The following BAALC variants were observed in gnomAD, a reference collection of about 807,000 sequenced individuals.
The protein encoded by BAALC is BAALC binder of MAP3K1 and KLF4.
BAALC carries 9 observed loss-of-function variants against 15.5 expected under a neutral mutation model. The observed-to-expected ratio is 0.58, with a 90% confidence interval of 0.35 to 1.02. The LOEUF is 1.02. Ranked by LOEUF, BAALC falls within the 50% of genes least tolerant of loss-of-function variation. The pLI, the probability that BAALC is intolerant of heterozygous loss-of-function variation, is 0.02. For missense variants in BAALC, 201 were observed against 192.4 expected (o/e 1.04, Z -0.27); for synonymous variants, 80 against 74.6 (o/e 1.07, Z -0.37).
intron 1 of BAALC, among the ~76,000 whole-genome samples, chr8:103,187,470 C>A (rs1811866350): frequency 6.6e-6 from 1 of 152,204 alleles, no homozygotes. Context: ...AGAAACCCTG[C>A]TCCAGAGCCA....
At chr8:103,162,915 C>G (rs1031413382) in intron 1 of BAALC, among the ~76,000 whole-genome samples, 7 of 152,148 alleles carry the variant, frequency 4.6e-5, no homozygotes, top group African/African-American at 1.7e-4. Flanking sequence ...GCATCAGTCC[C>G]TGTTCCCCCA....
At chr8:103,143,232 C>A (rs764158083) in intron 1 of BAALC, among the ~76,000 whole-genome samples, 3 of 152,014 alleles carry the variant, frequency 2.0e-5, no homozygotes, top group African/African-American at 2.4e-5. Flanking sequence ...TTTCAGCCAC[C>A]CTGGGAGACT....
chr8:103,146,580 C>G (rs1193016659), intron 1 of BAALC, among the ~76,000 whole-genome samples: 9 of 152,142 alleles, frequency 5.9e-5, no homozygotes, highest in South Asian at 2.1e-4. Context: ...ACATCAGGAC[C>G]CTGAGTAACT....
intron 2 of BAALC, among the ~76,000 whole-genome samples, chr8:103,217,279 T>G (rs1310630166): frequency 2.0e-5 from 3 of 152,224 alleles, no homozygotes; most frequent in African/African-American, 4.8e-5. Flanking sequence ...CTGGCCATTC[T>G]GAGTCCCTCA....
In BAALC at chr8:103,228,006, G is replaced by C. The variant is rs748217931; in HGVS notation, c.345G>C (p.Lys115Asn). The C allele has an allele frequency of 6.2e-7, 1 of 1,612,870 alleles. No homozygotes were observed. The highest frequency in any genetic ancestry group is 1.3e-5 in the African/African-American group (1 of 74,866). Residue 115 changes from lysine (K) to asparagine (N), a missense_variant, in exon 3 of 3, where the codon AAG becomes AAC. Lys to Asn is a moderately conservative substitution (Grantham distance 94, BLOSUM62 0). Transcript: ENST00000309982. ...LQTTEAKRDA[K>N]RMPAKEVTIN... The stretch of plus-strand genomic sequence containing the variant: ...CTTAACAGGCTAAAAGAGATGCTAA[G>C]AGAATGCCTGCAAAAGAAGTCACCA...
intron 2 of BAALC, among the ~76,000 whole-genome samples, chr8:103,216,480 AATTT>A (rs1227746126): frequency 1.5e-3 from 227 of 152,082 alleles, no homozygotes; most frequent in African/African-American, 5.2e-3. Flanking sequence ...TTAATTAATT[AATTT>A]ATGTATTTAT....
chr8:103,198,641 C>T (rs530289731), intron 1 of BAALC, among the ~76,000 whole-genome samples: 10 of 152,200 alleles, frequency 6.6e-5, no homozygotes, highest in Admixed American at 1.3e-4. Flanking sequence ...CCATGGCTCA[C>T]ACCTGTAATC....
In BAALC at chr8:103,173,492, A is replaced by C. The variant is rs531506949; in HGVS notation, c.160+32435A>C. On this transcript the variant is annotated intron_variant, in intron 1 of 2. Coordinates refer to ENST00000309982, the MANE Select transcript of BAALC (RefSeq NM_024812.3). Reference sequence around the variant, plus strand: ...ATCCTAATAAGTTGAGATCATTTGGATGATTCTAAATTTGCTAATAATAGA... The same window carrying C: ...ATCCTAATAAGTTGAGATCATTTGGCTGATTCTAAATTTGCTAATAATAGA... Among the ~76,000 whole-genome samples, 3 of 152,338 alleles carry C rather than the reference A, an allele frequency of 2.0e-5. No individual in the cohort carries two copies. In the South Asian group the frequency reaches 6.2e-4, roughly 32 times the overall value.
At chr8:103,196,115 C>T (rs1166358293) in intron 1 of BAALC, among the ~76,000 whole-genome samples, 1 of 152,086 alleles carries the variant, frequency 6.6e-6, no homozygotes, top group Non-Finnish European at 1.5e-5. Flanking sequence ...AAGGCTGGAG[C>T]ATAGAGGACA....
At chr8:103,227,664 C>A (rs1290452402) in intron 2 of BAALC, among the ~76,000 whole-genome samples, 1 of 152,092 alleles carries the variant, frequency 6.6e-6, no homozygotes, top group Non-Finnish European at 1.5e-5. Context: ...TCCTCTATCC[C>A]CTCCTTTCAC....
chr8:103,147,989 T>G (rs1315685156), intron 1 of BAALC, among the ~76,000 whole-genome samples: 1 of 152,244 alleles, frequency 6.6e-6, no homozygotes, highest in East Asian at 1.9e-4. Flanking sequence ...CCATCTCTCT[T>G]GAGAATGTTG....
chr8:103,212,926 G>A lies in BAALC; in HGVS notation c.168G>A (p.Leu56=), dbSNP rs1166356743. 2.5e-6 allele frequency: 4 copies of A among 1,612,708 alleles called. No individual in the cohort carries two copies. The African/African-American group carries it at 4.0e-5, about 16-fold the overall frequency. Residue 56 remains leucine (L), a synonymous_variant, in exon 2 of 3, where the codon CTG becomes CTA. Coordinates refer to ENST00000309982, the MANE Select transcript of BAALC (RefSeq NM_024812.3). Reference sequence around the variant, plus strand: ...TCTGCTTACCTCCCCCAGGCATGCTGGAAGATGGACTGCCCTCCAATGGTG... The same window carrying A: ...TCTGCTTACCTCCCCCAGGCATGCTAGAAGATGGACTGCCCTCCAATGGTG... ...PEAGGLHSGM[L]EDGLPSNGVP...
At chr8:103,183,371 T>C in intron 1 of BAALC, 1 of 703,014 alleles carries the variant, frequency 1.4e-6, no homozygotes, top group Non-Finnish European at 2.6e-6. Flanking sequence ...CATTAGCCCA[T>C]TACCCTCTTG....
At chr8:103,163,983 A>C (rs1811286646) in intron 1 of BAALC, among the ~76,000 whole-genome samples, 1 of 152,218 alleles carries the variant, frequency 6.6e-6, no homozygotes, top group Admixed American at 6.5e-5. Context: ...GGTGATGGGT[A>C]GAGAAAGAAA....
At chr8:103,184,317 G>A (rs941856529) in intron 1 of BAALC, among the ~76,000 whole-genome samples, 2 of 152,152 alleles carry the variant, frequency 1.3e-5, no homozygotes, top group Admixed American at 1.3e-4. Context: ...ACAGGTTCTG[G>A]TGCTTAGGAG....
Position 103,148,191 on chromosome 8 carries a change from G to A in BAALC, c.160+7134G>A, listed in dbSNP as rs149604558. Among the ~76,000 whole-genome samples, 186 of 152,266 alleles carry A rather than the reference G, an allele frequency of 1.2e-3. 1 individual carries two copies. The highest frequency in any genetic ancestry group is 3.8e-3 in the African/African-American group (157 of 41,546). ...AGAATGACTGGTGTCCTTATGAAAA[G>A]GGGAAATTTGGAGATAGAGAGACAC... On this transcript the variant is annotated intron_variant, in intron 1 of 2. Coordinates refer to ENST00000309982, the MANE Select transcript of BAALC (RefSeq NM_024812.3).
At position 103,189,474 on chromosome 8, in the gene BAALC, A is replaced by AT. The variant is rs200732930; in HGVS notation, c.161-23440dup. Reference sequence around the variant, plus strand: ...CAGAGACAGCTGAGCAAAGTGAGAGATTTTTGTTCCCAAGGGAATAGACAG... The same window carrying AT: ...CAGAGACAGCTGAGCAAAGTGAGAGATTTTTTGTTCCCAAGGGAATAGACAG... On this transcript the variant is annotated intron_variant, in intron 1 of 2. Transcript: ENST00000309982. Among the ~76,000 whole-genome samples the AT allele has an allele frequency of 4.4e-3, 676 of 152,284 alleles. 3 individuals are homozygous for AT. Among genetic ancestry groups the AT allele is most frequent in the South Asian group, 0.016 (79 of 4,828 alleles).
At chr8:103,186,541 G>A (rs1811842294) in intron 1 of BAALC, among the ~76,000 whole-genome samples, 1 of 152,144 alleles carries the variant, frequency 6.6e-6, no homozygotes, top group Non-Finnish European at 1.5e-5. Context: ...CTTCCACCAA[G>A]CTCAATGCCT....
chr8:103,193,238 C>A (rs749962258), intron 1 of BAALC, among the ~76,000 whole-genome samples: 1 of 152,162 alleles, frequency 6.6e-6, no homozygotes, highest in Non-Finnish European at 1.5e-5. Context: ...GTAAACAGAC[C>A]CTGATAGAGC....
Sources: allele counts gnomAD v4.1 joint callset (sites outside exome capture counted in the v4.1 genomes callset), GRCh38; gene constraint gnomAD v4.1.1; transcripts MANE v1.5; gene names NCBI Gene and HGNC (gene_info 2026-07-23, HGNC 2026-07-21).